Variants in SORBS2 observed in about 807,000 individuals in gnomAD.
SORBS2 encodes the protein sorbin and SH3 domain containing 2.
Under a neutral mutation model 97.7 loss-of-function variants are expected in SORBS2, and 46 were observed. The observed-to-expected ratio is 0.47, with a 90% CI of 0.37 to 0.60. SORBS2 has a LOEUF of 0.60. Ranked by LOEUF, SORBS2 falls within the 20% of genes least tolerant of loss-of-function variation. SORBS2 has a pLI of 0.00. For missense variants in SORBS2, 1,316 were observed against 1,282.3 expected (o/e 1.03, Z -0.40); for synonymous variants, 476 against 473.4 (o/e 1.01, Z -0.07).
intron 2 of SORBS2, among the ~76,000 whole-genome samples, chr4:185,695,936 C>T (rs1179832560): frequency 6.6e-6 from 1 of 152,140 alleles, no homozygotes; most frequent in Non-Finnish European, 1.5e-5. Context: ...TCAACAGTAG[C>T]GGCATGACTG....
rs368028413 is a variant in SORBS2 at position 185,931,264 on chromosome 4, A to G, written c.-338+24932T>C. On this transcript the variant is annotated intron_variant, in intron 1 of 20. Coordinates refer to the SORBS2 transcript ENST00000284776. ...CAAATGTTTATTGACCAACTACTAT[A>G]TACTCATGATTTCAGGAGCCAAGGA... 2.6e-4 allele frequency among the ~76,000 whole-genome samples: 39 copies of G among 152,320 alleles called. No individual in the cohort carries two copies. In the East Asian group the frequency reaches 5.8e-3, roughly 23 times the overall value.
At chr4:185,604,411 T>G (rs2096356462) in intron 12 of SORBS2, among the ~76,000 whole-genome samples, 1 of 152,066 alleles carries the variant, frequency 6.6e-6, no homozygotes, top group Non-Finnish European at 1.5e-5. Context: ...TGAGCAGGGC[T>G]GAGAAAGTGT....
At chr4:185,601,947 C>A (rs1177098381) in intron 12 of SORBS2, among the ~76,000 whole-genome samples, 1 of 152,166 alleles carries the variant, frequency 6.6e-6, no homozygotes, top group African/African-American at 2.4e-5. Context: ...AGACCACATG[C>A]GGCAAGTCTC....
chr4:185,842,662 T>C (rs1032786192), intron 1 of SORBS2, among the ~76,000 whole-genome samples: 11 of 151,992 alleles, frequency 7.2e-5, no homozygotes, highest in African/African-American at 2.4e-4. Context: ...TTTGGCCGGG[T>C]GCAGTGGCCC....
At position 185,678,749 on chromosome 4, in the gene SORBS2, A is replaced by G. The variant is rs1012604874; in HGVS notation, c.-171+47T>C. The G allele has an allele frequency of 3.0e-6, 4 of 1,330,750 alleles. No homozygotes were observed. In the African/African-American group the frequency reaches 4.5e-5, roughly 15 times the overall value. 82.4% of individuals were successfully genotyped at this position (1,330,750 alleles called of 1,614,324 possible). Reference sequence around the variant, plus strand: ...CGATGTGGCTATGAATATGTTTTCTAAAAGTCACAAATAATATAATAATTA... The same window carrying G: ...CGATGTGGCTATGAATATGTTTTCTGAAAGTCACAAATAATATAATAATTA... On this transcript the variant is annotated intron_variant, in intron 3 of 20. Coordinates refer to the SORBS2 transcript ENST00000284776.
At chr4:185,674,112 C>A (rs1051444363) in intron 4 of SORBS2, among the ~76,000 whole-genome samples, 2 of 152,192 alleles carry the variant, frequency 1.3e-5, no homozygotes, top group African/African-American at 4.8e-5. Flanking sequence ...TACCTCCAAC[C>A]AGGACCTTTC....
chr4:185,897,471 GAC>G (rs1456757714), intron 1 of SORBS2, among the ~76,000 whole-genome samples: 1 of 152,168 alleles, frequency 6.6e-6, no homozygotes, highest in Admixed American at 6.5e-5. Context: ...CATAAAAATG[GAC>G]AGTTTCCCCT....
chr4:185,955,958 A>G (rs1347651921), intron 1 of SORBS2, among the ~76,000 whole-genome samples: 1 of 152,142 alleles, frequency 6.6e-6, no homozygotes, highest in Non-Finnish European at 1.5e-5. Context: ...CAATAGCAAG[A>G]GTAACAAAGA....
At chr4:185,636,812 C>A (rs2097014582) in intron 4 of SORBS2, among the ~76,000 whole-genome samples, 1 of 152,190 alleles carries the variant, frequency 6.6e-6, no homozygotes, top group African/African-American at 2.4e-5. Flanking sequence ...CCATGCCCAA[C>A]TAATGTTTGT....
At chr4:185,870,541 G>A (rs1200989029) in intron 1 of SORBS2, among the ~76,000 whole-genome samples, 1 of 152,224 alleles carries the variant, frequency 6.6e-6, no homozygotes, top group Admixed American at 6.5e-5. Flanking sequence ...AGACCGAACT[G>A]CTGTCAGCAT....
intron 1 of SORBS2, among the ~76,000 whole-genome samples, chr4:185,785,633 C>T (rs984061863): frequency 7.2e-5 from 11 of 152,192 alleles, no homozygotes; most frequent in African/African-American, 2.7e-4. Flanking sequence ...CTCTTACCCA[C>T]CAAATAGGCA....
intron 2 of SORBS2, among the ~76,000 whole-genome samples, chr4:185,730,173 C>T (rs979898092): frequency 1.3e-5 from 2 of 151,842 alleles, no homozygotes; most frequent in Admixed American, 6.6e-5. Flanking sequence ...AGGATGGTCT[C>T]GATCTGTGAA....
At chr4:185,886,566 A>AG (rs2099239701) in intron 1 of SORBS2, among the ~76,000 whole-genome samples, 1 of 145,738 alleles carries the variant, frequency 6.9e-6, no homozygotes, top group Non-Finnish European at 1.5e-5. Context: ...AAAAAAAAAA[A>AG]AAAAAAAGAA....
rs186341176 is a variant in SORBS2, at chr4:185,834,461, A to T, written c.-337-59095T>A. On this transcript the variant is annotated intron_variant, in intron 1 of 20. Transcript: ENST00000284776. Reference sequence around the variant, plus strand: ...TATCATGTGCTTAAGAGCAAAAAAAAATATACCCTACCTACTCTTGAAAAG... The same window carrying T: ...TATCATGTGCTTAAGAGCAAAAAAATATATACCCTACCTACTCTTGAAAAG... Among the ~76,000 whole-genome samples, 16 of 152,276 alleles carry T rather than the reference A, an allele frequency of 1.1e-4. No individual in the cohort carries two copies. The South Asian group carries it at 1.2e-3, about 12-fold the overall frequency.
chr4:185,822,975 T>G (rs569280049), intron 1 of SORBS2, among the ~76,000 whole-genome samples: 2 of 152,348 alleles, frequency 1.3e-5, no homozygotes, highest in East Asian at 3.9e-4. Flanking sequence ...GAAGCTGCCT[T>G]TCCTTTTTGT....
intron 1 of SORBS2, among the ~76,000 whole-genome samples, chr4:185,846,365 G>A (rs1054800142): frequency 1.3e-5 from 2 of 152,200 alleles, no homozygotes; most frequent in African/African-American, 4.8e-5. Flanking sequence ...GGGACAGAAA[G>A]CAGATCAGGG....
intron 1 of SORBS2, among the ~76,000 whole-genome samples, chr4:185,912,678 C>G (rs1012795303): frequency 1.4e-5 from 2 of 143,938 alleles, no homozygotes; most frequent in Non-Finnish European, 3.0e-5. Context: ...TGTCACTAAA[C>G]AAAAAATCAT....
At chr4:185,766,724 T>C (rs897307738) in intron 2 of SORBS2, among the ~76,000 whole-genome samples, 14 of 152,214 alleles carry the variant, frequency 9.2e-5, no homozygotes, top group Admixed American at 2.6e-4. Flanking sequence ...AAAATTGAAC[T>C]AAAGAAGTAC....
At chr4:185,900,870 A>G (rs1218298082) in intron 1 of SORBS2, among the ~76,000 whole-genome samples, 1 of 152,164 alleles carries the variant, frequency 6.6e-6, no homozygotes, top group Non-Finnish European at 1.5e-5. Flanking sequence ...ACTGCTTTTA[A>G]TCTACAGCCC....
Sources: allele counts gnomAD v4.1 joint callset (sites outside exome capture counted in the v4.1 genomes callset), GRCh38; gene constraint gnomAD v4.1.1; transcripts MANE v1.5; gene names NCBI Gene and HGNC (gene_info 2026-07-23, HGNC 2026-07-21).